CADPS: variants seen among roughly 807,000 people sequenced by gnomAD.
CADPS encodes calcium dependent secretion activator, also known as calcium-dependent secretion activator 1.
Under a neutral mutation model 167.3 loss-of-function variants are expected in CADPS, and 57 were observed. That is an observed-to-expected ratio of 0.34 (90% CI 0.28 to 0.42). The LOEUF (loss-of-function observed/expected upper bound fraction) is 0.42, where lower values mean the gene tolerates loss of function less well. Ranked by LOEUF, CADPS falls within the 20% of genes least tolerant of loss-of-function variation. The probability of loss-of-function intolerance (pLI) is 1.00; values close to 1 mark genes in which losing one functional copy is unlikely to be tolerated. For missense variants in CADPS, 1,414 were observed against 1,738.1 expected, an observed-to-expected ratio of 0.81 and a Z score of 3.32; for synonymous variants, 676 against 635.3, an observed-to-expected ratio of 1.06 and a Z score of -0.96.
At chr3:62,570,687 GC>G (rs869201210) in intron 9 of CADPS, among the ~76,000 whole-genome samples, 184 bp downstream of exon 9, 3 of 152,206 alleles carry the variant, frequency 2.0e-5, no homozygotes, top group Non-Finnish European at 4.4e-5. Context: ...GCACAAGGGA[GC>G]CCTTTGGGTA....
At chr3:62,701,920 C>T (rs1377518351) in intron 3 of CADPS, among the ~76,000 whole-genome samples, 1 of 152,108 alleles carries the variant, frequency 6.6e-6, no homozygotes. Flanking sequence ...TCCTTTTATT[C>T]CTAAGCAGAT....
At chr3:62,629,776 G>GTT (rs55721041) in intron 6 of CADPS, among the ~76,000 whole-genome samples, 18,381 of 147,936 alleles carry the variant, frequency 0.12, 1,130 homozygotes, top group Middle Eastern at 0.2. Context: ...TTGTTTGTTT[G>GTT]TTTGTTTTTT....
rs150582788 is a variant in CADPS, at chr3:62,743,444, G to A, written c.888+9997C>T. On this transcript the variant is annotated intron_variant, in intron 3 of 29. Transcript: ENST00000383710. ...AGCCTAAAATATTTACCAACTCCTA[G>A]TTTATTTATTAACTGAAAAGCTTTG... Among the ~76,000 whole-genome samples the A allele has an allele frequency of 4.6e-5, 7 of 152,240 alleles. No homozygotes were observed. The East Asian group carries it at 1.4e-3, about 29-fold the overall frequency.
At chr3:62,461,758 G>A (rs1033403459) in intron 26 of CADPS, among the ~76,000 whole-genome samples, 8 of 152,016 alleles carry the variant, frequency 5.3e-5, no homozygotes, top group South Asian at 2.1e-4. Flanking sequence ...TCACCTCCCC[G>A]CTTTCTCTTG....
At chr3:62,561,756 A>G (rs560115381) in intron 9 of CADPS, among the ~76,000 whole-genome samples, 1 of 152,328 alleles carries the variant, frequency 6.6e-6, no homozygotes, top group South Asian at 2.1e-4. Flanking sequence ...ATGGGAGACT[A>G]AAATACTTGG....
At chr3:62,736,861 G>A (rs894821460) in intron 3 of CADPS, among the ~76,000 whole-genome samples, 3 of 152,178 alleles carry the variant, frequency 2.0e-5, no homozygotes, top group Non-Finnish European at 4.4e-5. Context: ...CTAAGTAGCT[G>A]GGCACAGTGG....
At chr3:62,720,128 T>C (rs972569382) in intron 3 of CADPS, among the ~76,000 whole-genome samples, 1 of 152,146 alleles carries the variant, frequency 6.6e-6, no homozygotes, top group African/African-American at 2.4e-5. Context: ...ACAATGTAGC[T>C]TACCCTGACT....
At chr3:62,667,075 G>C in intron 3 of CADPS, among the ~76,000 whole-genome samples, 2 of 135,098 alleles carry the variant, frequency 1.5e-5, no homozygotes, top group East Asian at 2.3e-4. Flanking sequence ...TACTGACACA[G>C]AGTGAACAAG....
At chr3:62,414,318 T>C (rs889826582) in intron 28 of CADPS, among the ~76,000 whole-genome samples, 8 of 152,166 alleles carry the variant, frequency 5.3e-5, no homozygotes, top group Non-Finnish European at 7.3e-5. Flanking sequence ...GGGCAACAGC[T>C]CTCCATCCAG....
intron 6 of CADPS, among the ~76,000 whole-genome samples, chr3:62,643,294 C>T (rs1347795536): frequency 2.6e-5 from 4 of 152,326 alleles, no homozygotes; most frequent in African/African-American, 9.6e-5. Context: ...GATTTGGCCT[C>T]GAACCCTTCT....
intron 27 of CADPS, chr3:62,441,197 A>G (rs989096368): frequency 6.6e-6 from 1 of 152,256 alleles, no homozygotes; most frequent in African/African-American, 2.4e-5. Flanking sequence ...GTTTTTTAAT[A>G]TCTCATAATG....
intron 19 of CADPS, among the ~76,000 whole-genome samples, chr3:62,493,294 T>C (rs534081866): frequency 1.3e-5 from 2 of 152,300 alleles, no homozygotes; most frequent in African/African-American, 4.8e-5. Context: ...TAATCATTTC[T>C]GGCAGGGAGC....
intron 1 of CADPS, among the ~76,000 whole-genome samples, chr3:62,855,472 G>A (rs2079499647): frequency 6.6e-6 from 1 of 151,856 alleles, no homozygotes; most frequent in South Asian, 2.1e-4. Flanking sequence ...ATTAGCCAAA[G>A]GAATTAGAAG....
intron 1 of CADPS, among the ~76,000 whole-genome samples, chr3:62,801,288 C>G (rs769223957): frequency 2.0e-5 from 3 of 152,094 alleles, no homozygotes; most frequent in Non-Finnish European, 4.4e-5. Flanking sequence ...GAAATAATCT[C>G]TGCCCCACAA....
At chr3:62,649,543 CTTTTTTTTTTTTTTTTTTTTTTTTT>C (rs369874258) in intron 5 of CADPS, among the ~76,000 whole-genome samples, 1 of 37,786 alleles carries the variant, frequency 2.6e-5, no homozygotes, top group East Asian at 1.2e-3. Flanking sequence ...AATATGTGGT[CTTTTTTTTTTTTTTTTTTTTTTTTT>C]TTTTTTTTTA....
In CADPS at chr3:62,600,383, C is replaced by T. The variant is rs192596964; in HGVS notation, c.1326-7635G>A. 4.9e-4 allele frequency among the ~76,000 whole-genome samples: 75 copies of T among 152,016 alleles called. 1 individual carries two copies. Among genetic ancestry groups the T allele is most frequent in the African/African-American group, 1.7e-3 (72 of 41,362 alleles). ...TATTATTACTTTTGGTCTTTTCAGC[C>T]ACAAGCACATAAGCAGAGACTGTAG... is the stretch of plus-strand genomic sequence containing the variant. On this transcript the variant is annotated intron_variant, in intron 6 of 29. Transcript: ENST00000383710.
At chr3:62,413,570 C>G (rs2049392067) in intron 28 of CADPS, among the ~76,000 whole-genome samples, 1 of 152,040 alleles carries the variant, frequency 6.6e-6, no homozygotes, top group African/African-American at 2.4e-5. Flanking sequence ...GTATCTAGAA[C>G]AGTCAGAAAG....
chr3:62,647,820 A>G (rs1179647378), intron 5 of CADPS, among the ~76,000 whole-genome samples: 1 of 152,232 alleles, frequency 6.6e-6, no homozygotes, highest in Non-Finnish European at 1.5e-5. Flanking sequence ...TCTGAGGCTT[A>G]GTTACTACAC....
At position 62,398,857 on chromosome 3, in the gene CADPS, A is replaced by G. The variant is rs1012592624; in HGVS notation, c.*549T>C. On this transcript the variant is annotated 3_prime_UTR_variant, in exon 30 of 30. Coordinates refer to ENST00000383710, the MANE Select transcript of CADPS (RefSeq NM_003716.4). ...TAAATGAAAGGATGGGTTAACAACG[A>G]CACAAGGGGTTCATTTTTTGGTTTT... The G allele has an allele frequency of 1.3e-5, 2 of 152,192 alleles. No homozygotes were observed. The highest frequency in any genetic ancestry group is 4.8e-5 in the African/African-American group (2 of 41,432). 9.4% of individuals were successfully genotyped at this position (152,192 alleles called of 1,614,324 possible). A position where few individuals can be genotyped will look rare whatever the true frequency, so the allele number is the denominator to read the frequency against.
Sources: gnomAD v4.1 joint callset for allele counts (sites outside exome capture counted in the v4.1 genomes callset) on GRCh38, gnomAD v4.1.1 for gene constraint, MANE v1.5 for transcripts, NCBI Gene and HGNC (gene_info 2026-07-23, HGNC 2026-07-21) for gene names.